The following SGCD variants were observed in gnomAD, a reference collection of about 807,000 sequenced individuals.
The protein encoded by SGCD is delta-sarcoglycan.
In SGCD, 18 loss-of-function variants were observed where a neutral mutation model predicts 36.6. The ratio of observed to expected loss-of-function variants is 0.49; its 90% CI spans 0.34 to 0.73. The LOEUF (loss-of-function observed/expected upper bound fraction) is 0.73. SGCD is among the 30% of genes least tolerant of loss of function. The probability of loss-of-function intolerance (pLI) is 0.01; values close to 1 mark genes in which losing one functional copy is unlikely to be tolerated. For missense variants in SGCD, 387 were observed against 346.7 expected, an observed-to-expected ratio of 1.12 and a Z score of -0.92; for synonymous variants, 133 against 130.6, an observed-to-expected ratio of 1.02 and a Z score of -0.12.
intron 4 of SGCD, among the ~76,000 whole-genome samples, chr5:156,550,334 A>C (rs1343338060): frequency 6.6e-6 from 1 of 152,192 alleles, no homozygotes; most frequent in Non-Finnish European, 1.5e-5. Flanking sequence ...TTCTATAAGA[A>C]GGGCTTTCTT....
rs375739550 is a variant in SGCD, at chr5:156,188,581, A to G, written c.-44+64562A>G. ...GTTACATGGGCCATTGGTAGTGTCTACTGTTGGGGTTCAAAGACAAATATC... is the reference window on the plus strand; with the variant it reads ...GTTACATGGGCCATTGGTAGTGTCTGCTGTTGGGGTTCAAAGACAAATATC... On this transcript the variant is annotated intron_variant, in intron 3 of 9. Transcript: ENST00000517913. Among the ~76,000 whole-genome samples, 202 of 152,078 alleles carry G rather than the reference A, an allele frequency of 1.3e-3. 1 individual carries two copies. Among genetic ancestry groups the G allele is most frequent in the African/African-American group, 4.7e-3 (193 of 41,486 alleles).
intron 3 of SGCD, among the ~76,000 whole-genome samples, chr5:156,267,796 C>G (rs557890053): frequency 6.6e-6 from 1 of 152,140 alleles, no homozygotes; most frequent in African/African-American, 2.4e-5. Flanking sequence ...TTGACCAAGG[C>G]AAATTTAAAA....
chr5:156,687,487 T>A (rs952229511), intron 7 of SGCD, among the ~76,000 whole-genome samples: 5 of 152,192 alleles, frequency 3.3e-5, no homozygotes, highest in Admixed American at 3.3e-4. Context: ...AAAATTCAAC[T>A]TGTGTTGGCA....
chr5:156,187,731 G>T (rs1340634010), intron 3 of SGCD, among the ~76,000 whole-genome samples: 2 of 152,132 alleles, frequency 1.3e-5, no homozygotes, highest in Non-Finnish European at 2.9e-5. Flanking sequence ...TAAGCTAAGG[G>T]AGAAAGGGTG....
intron 3 of SGCD, among the ~76,000 whole-genome samples, chr5:156,380,396 C>G (rs895204242): frequency 6.6e-6 from 1 of 152,180 alleles, no homozygotes. Flanking sequence ...ATACAACCTT[C>G]CTCCTACAAC....
intron 1 of SGCD, among the ~76,000 whole-genome samples, chr5:155,899,121 G>C (rs571671095): frequency 1.5e-4 from 23 of 152,284 alleles, no homozygotes; most frequent in Middle Eastern, 3.4e-3. Context: ...CAACACTGAA[G>C]AGAAAGAGGG....
intron 7 of SGCD, among the ~76,000 whole-genome samples, chr5:156,687,821 T>A (rs32069): frequency 0.81 from 124,021 of 152,244 alleles, 51,268 homozygotes; most frequent in East Asian, 0.94. Context: ...ATCACCATGT[T>A]GCTGGCTGGT....
At chr5:156,014,370 A>G (rs1758921131) in intron 1 of SGCD, among the ~76,000 whole-genome samples, 1 of 152,146 alleles carries the variant, frequency 6.6e-6, no homozygotes, top group African/African-American at 2.4e-5. Flanking sequence ...CAACTCCTGC[A>G]TACCCTTTAC....
chr5:156,665,020 T>A (rs1764087063), intron 7 of SGCD, among the ~76,000 whole-genome samples: 2 of 150,636 alleles, frequency 1.3e-5, no homozygotes, highest in South Asian at 4.2e-4. Flanking sequence ...TGCCATAGGA[T>A]TAAGTCTCCT....
At chr5:156,116,733 T>C (rs1185376389) in intron 1 of SGCD, among the ~76,000 whole-genome samples, 1 of 152,154 alleles carries the variant, frequency 6.6e-6, no homozygotes, top group Admixed American at 6.6e-5. Context: ...AGCCTTCCCA[T>C]TCCCCATCTA....
At chr5:156,350,280 T>C (rs1769180221) in intron 3 of SGCD, among the ~76,000 whole-genome samples, 2 of 145,470 alleles carry the variant, frequency 1.4e-5, no homozygotes, top group East Asian at 2.3e-4. Context: ...CACACACATA[T>C]ACCCACACAT....
the SGCD span, among the ~76,000 whole-genome samples, chr5:155,812,201 A>G: frequency 6.6e-6 from 1 of 152,220 alleles, no homozygotes; most frequent in Non-Finnish European, 1.5e-5. Context: ...TTATAGCCCT[A>G]TGTTATACAT....
chr5:156,639,461 C>G (rs40486), intron 6 of SGCD, among the ~76,000 whole-genome samples: 1 of 152,116 alleles, frequency 6.6e-6, no homozygotes, highest in African/African-American at 2.4e-5. Flanking sequence ...GCAGCCTGTG[C>G]CACGCAGCAG....
At chr5:156,225,882 A>C (rs1436239602) in intron 3 of SGCD, among the ~76,000 whole-genome samples, 1 of 152,048 alleles carries the variant, frequency 6.6e-6, no homozygotes, top group Non-Finnish European at 1.5e-5. Flanking sequence ...TCCATTTTGC[A>C]AAAGAGCAAT....
chr5:155,835,502 A>G, the SGCD span, among the ~76,000 whole-genome samples: 1 of 152,192 alleles, frequency 6.6e-6, no homozygotes, highest in Non-Finnish European at 1.5e-5. Context: ...TGTAACACAC[A>G]CATGACTTTT....
intron 7 of SGCD, among the ~76,000 whole-genome samples, chr5:156,731,287 G>T (rs1315084748): frequency 1.3e-5 from 2 of 151,992 alleles, no homozygotes; most frequent in African/African-American, 4.8e-5. Flanking sequence ...TTTTGCTTTT[G>T]GTGTTTCATC....
intron 3 of SGCD, among the ~76,000 whole-genome samples, chr5:156,380,418 A>G (rs917640149): frequency 6.6e-6 from 1 of 152,240 alleles, no homozygotes; most frequent in African/African-American, 2.4e-5. Flanking sequence ...GAAGGGGTTG[A>G]CTAGGCAGAA....
intron 3 of SGCD, among the ~76,000 whole-genome samples, chr5:156,406,314 C>T (rs1036840071): frequency 3.9e-5 from 6 of 152,076 alleles, no homozygotes; most frequent in South Asian, 2.1e-4. Flanking sequence ...GAAGCTCCAG[C>T]GTCTCTGTGT....
chr5:155,881,205 G>T (rs1312797227), intron 1 of SGCD, among the ~76,000 whole-genome samples: 3 of 151,792 alleles, frequency 2.0e-5, no homozygotes, highest in African/African-American at 7.3e-5. Flanking sequence ...AGCTTTTAAA[G>T]ATATAAGAAA....
Sources: allele counts gnomAD v4.1 joint callset (sites outside exome capture counted in the v4.1 genomes callset), GRCh38; gene constraint gnomAD v4.1.1; transcripts MANE v1.5; gene names NCBI Gene and HGNC (gene_info 2026-07-23, HGNC 2026-07-21).